IGDCC4: variants seen among roughly 807,000 people sequenced by gnomAD.
IGDCC4 encodes the protein likely ortholog of mouse neighbor of Punc E11.
In IGDCC4, 72 loss-of-function variants were observed where a neutral mutation model predicts 116.6. That is an observed-to-expected ratio of 0.62 (90% CI 0.51 to 0.75). The LOEUF is 0.75. IGDCC4 is among the 30% of genes least tolerant of loss of function. The probability of loss-of-function intolerance (pLI) is 0.00; values close to 1 mark genes in which losing one functional copy is unlikely to be tolerated. For missense variants in IGDCC4, 1,501 were observed against 1,662.4 expected (o/e 0.90, Z 1.69); for synonymous variants, 709 against 719.9 (o/e 0.98, Z 0.24).
At position 65,388,881 on chromosome 15, in the gene IGDCC4, G is replaced by A. The variant is rs753792317; in HGVS notation, c.2634C>T (p.Ile878=). 6 of 1,614,000 alleles carry A rather than the reference G, an allele frequency of 3.7e-6. No homozygotes were observed. The highest frequency in any genetic ancestry group is 3.3e-5 in the South Asian group (3 of 91,080). ...TGCTGTACAGGATCAGATACTCCAC[G>A]ATCTCCCCGTTGGGCTCTGTGGGGG... is the stretch of plus-strand genomic sequence containing the variant. The part of the protein sequence containing the change: ...WCPPTEPNGE[I]VEYLILYSSN... Residue 878 remains isoleucine (I), a synonymous_variant, in exon 15 of 20, where the codon ATC becomes ATT. Coordinates refer to ENST00000352385, the MANE Select transcript of IGDCC4 (RefSeq NM_020962.3).
intron 5 of IGDCC4, among the ~76,000 whole-genome samples, chr15:65,397,270 T>C (rs1159619933): frequency 1.3e-5 from 2 of 152,206 alleles, no homozygotes; most frequent in African/African-American, 4.8e-5. Context: ...AGCACACTCG[T>C]CAGTTTTCAT....
Position 65,383,314 on chromosome 15 carries a change from TG to T in IGDCC4, c.*694del, listed in dbSNP as rs2091419381. 1 of 152,972 alleles carries T rather than the reference TG, an allele frequency of 6.5e-6. No individual in the cohort carries two copies. The highest frequency in any genetic ancestry group is 2.4e-5 in the African/African-American group (1 of 41,394). The allele number at this position is 152,972 out of a possible 1,614,324, so 9.5% of individuals were successfully genotyped here. ...GGGAGCAGGAGAAGGGCACTGGTGC[TG>T]GGAGAGCGAGGTGACTGGGAGACAG... On this transcript the variant is annotated 3_prime_UTR_variant, in exon 20 of 20. Coordinates refer to ENST00000352385, the MANE Select transcript of IGDCC4 (RefSeq NM_020962.3).
intron 6 of IGDCC4, chr15:65,396,470 T>A: frequency 1.9e-6 from 1 of 535,980 alleles, no homozygotes; most frequent in Non-Finnish European, 3.5e-6. Context: ...ACCCATCTCC[T>A]TCCTCCCTGC....
intron 5 of IGDCC4, among the ~76,000 whole-genome samples, chr15:65,400,086 C>T (rs1747741178): frequency 6.6e-6 from 1 of 152,222 alleles, no homozygotes; most frequent in South Asian, 2.1e-4. Context: ...GGCCCCTCCT[C>T]TCCCCAGAGG....
At chr15:65,422,676 GC>G in intron 1 of IGDCC4, 116 bp downstream of exon 1, 3 of 810,276 alleles carry the variant, frequency 3.7e-6, no homozygotes, top group Non-Finnish European at 4.9e-6. Context: ...TGGACGCGCA[GC>G]CCCCGCACTT....
intron 16 of IGDCC4, among the ~76,000 whole-genome samples, chr15:65,387,039 T>C (rs2091467328): frequency 6.6e-6 from 1 of 152,146 alleles, no homozygotes; most frequent in South Asian, 2.1e-4. Context: ...TAATTTTTTT[T>C]CTTTTGAGAC....
chr15:65,402,607 G>A (rs531706403), intron 3 of IGDCC4, 120 bp from the exon 4 acceptor site: 103 of 1,306,784 alleles, frequency 7.9e-5, no homozygotes, highest in South Asian at 3.7e-4. Context: ...AGTGGCTCAC[G>A]CCTATAATCC....
chr15:65,397,498 A>G lies in IGDCC4; in HGVS notation c.842-509T>C, dbSNP rs115160757. 7.6e-3 allele frequency among the ~76,000 whole-genome samples: 1,161 copies of G among 152,260 alleles called. 16 individuals are homozygous for G. Among genetic ancestry groups the G allele is most frequent in the African/African-American group, 0.027 (1,108 of 41,526 alleles). ...CAATGCAAATAGCCAAGAAACACAA[A>G]AATGTTCAACTTCATGTCATCAAAG... On this transcript the variant is annotated intron_variant, in intron 5 of 19. Transcript: ENST00000352385.
intron 15 of IGDCC4, 106 bp downstream of exon 15, chr15:65,388,702 G>A (rs2091484808): frequency 1.9e-6 from 3 of 1,591,026 alleles, no homozygotes; most frequent in South Asian, 1.1e-5. Context: ...GCTTCTGCTT[G>A]CTTCTCCCAG....
At chr15:65,404,482 G>GCTCTTCCTCCAAGAC (rs1411766932) in intron 3 of IGDCC4, among the ~76,000 whole-genome samples, 1 of 151,988 alleles carries the variant, frequency 6.6e-6, no homozygotes, top group Non-Finnish European at 1.5e-5. Flanking sequence ...CATCTAACGT[G>GCTCTTCCTCCAAGAC]CTCTTCCTCC....
intron 4 of IGDCC4, among the ~76,000 whole-genome samples, chr15:65,401,599 G>A (rs2062987109): frequency 6.6e-6 from 1 of 152,034 alleles, no homozygotes; most frequent in Non-Finnish European, 1.5e-5. Context: ...CGGGGTGGGA[G>A]TGCAGAGAGT....
Position 65,402,428 on chromosome 15 carries a change from C to A in IGDCC4, c.623G>T (p.Gly208Val), listed in dbSNP as rs201111802. Reference sequence around the variant, plus strand: ...GTTGGTGGCCACGCAGCGGTAGGGGCCTGCATCACTCTCCTGAACATCCAG... The same window carrying A: ...GTTGGTGGCCACGCAGCGGTAGGGGACTGCATCACTCTCCTGAACATCCAG... ...QILDVQESDA[G>V]PYRCVATNSA... The change falls in exon 4 of 20, where the codon GGC becomes GTC. Residue 208 changes from glycine to valine, a missense_variant. Transcript: ENST00000352385. 7 of 1,567,218 alleles carry A rather than the reference C, an allele frequency of 4.5e-6. No individual in the cohort carries two copies. The African/African-American group carries it at 5.4e-5, about 12-fold the overall frequency.
chr15:65,397,052 C>T (rs1567085578), intron 5 of IGDCC4, 63 bp from the exon 6 acceptor site: 6 of 1,535,376 alleles, frequency 3.9e-6, no homozygotes, highest in Admixed American at 4.0e-5. Flanking sequence ...CTTCAGTCTC[C>T]GAACCTCAGG....
rs1201557818 is a variant in IGDCC4, at chr15:65,384,136, G to C, written c.3626C>G (p.Ser1209Cys). Residue 1209 changes from serine to cysteine, a missense_variant, in exon 20 of 20, where the codon TCC (serine) becomes TGC (cysteine). By Grantham distance (112) the Ser-to-Cys change is moderately radical. Around this residue, in one of 3 missense-constraint regions of IGDCC4, gnomAD observed 368 missense variants for 355.6 expected, o/e 1.03. Coordinates refer to ENST00000352385, the MANE Select transcript of IGDCC4 (RefSeq NM_020962.3). The surrounding 1 kb of genome is among the most constrained non-coding windows in gnomAD (Gnocchi z 4.9). The part of the protein sequence containing the change: ...CLPEAASASC[S>C]YPDLQPGEVL... ...CTCGCCTGGCTGGAGGTCCGGGTAGGAGCAGGAAGCACTGGCTGCCTCTGG... is the reference window on the plus strand; with the variant it reads ...CTCGCCTGGCTGGAGGTCCGGGTAGCAGCAGGAAGCACTGGCTGCCTCTGG... 1.2e-6 allele frequency: 2 copies of C among 1,613,588 alleles called. No individual in the cohort carries two copies. The highest frequency in any genetic ancestry group is 1.7e-6 in the Non-Finnish European group (2 of 1,179,784).
At chr15:65,385,319 G>A (rs2091444654) in intron 18 of IGDCC4, 3 of 594,650 alleles carry the variant, frequency 5.0e-6, no homozygotes, top group Non-Finnish European at 8.6e-6. Flanking sequence ...TCCTCCTGCA[G>A]AGGAGCGGAA....
chr15:65,407,684 T>A (rs1291179219), intron 3 of IGDCC4, among the ~76,000 whole-genome samples: 1 of 149,236 alleles, frequency 6.7e-6, no homozygotes, highest in African/African-American at 2.5e-5. Flanking sequence ...ACAGGTGAAG[T>A]GGCTCAATTT....
intron 5 of IGDCC4, among the ~76,000 whole-genome samples, chr15:65,399,197 G>T (rs140100121): frequency 7.2e-5 from 11 of 152,078 alleles, no homozygotes; most frequent in Non-Finnish European, 1.3e-4. Flanking sequence ...AGCACCGGGC[G>T]CAGTGACTCA....
Position 65,385,831 on chromosome 15 carries a change from C to T in IGDCC4, c.3180G>A (p.Lys1060=), listed in dbSNP as rs758813706. The T allele has an allele frequency of 1.3e-5, 21 of 1,611,484 alleles. No homozygotes were observed. Among genetic ancestry groups the T allele is most frequent in the Non-Finnish European group, 1.8e-5 (21 of 1,179,208 alleles). ...GCCGCAATGTGGGGCTCTGACTTAC[C>T]TTTCTTTTGGAGTGACTCCGGCCTT... ...VSEGRSHSKR[K]ISWAQPSGLS... The change falls in exon 18 of 20, where the codon AAG becomes AAA. Residue 1060 remains lysine, a splice_region_variant and synonymous_variant. Transcript: ENST00000352385.
At chr15:65,411,610 C>T (rs1287412276) in intron 1 of IGDCC4, among the ~76,000 whole-genome samples, 1 of 152,218 alleles carries the variant, frequency 6.6e-6, no homozygotes, top group East Asian at 1.9e-4. Context: ...TGAGTGGAAA[C>T]AACCCAAAAG....
Sources: gnomAD v4.1 joint callset for allele counts (sites outside exome capture counted in the v4.1 genomes callset) on GRCh38, gnomAD v4.1.1 for gene constraint, gnomAD v4.1.1 regional missense constraint, Gnocchi (gnomAD v3.1) non-coding constraint, MANE v1.5 for transcripts, NCBI Gene and HGNC (gene_info 2026-07-23, HGNC 2026-07-21) for gene names.